SLC39A11: variants seen among roughly 807,000 people sequenced by gnomAD.
SLC39A11 encodes the protein solute carrier family 39 member 11.
A neutral mutation model predicts 36.1 loss-of-function variants in SLC39A11; 33 were observed. The observed-to-expected ratio is 0.91, with a 90% CI of 0.69 to 1.22. The LOEUF (loss-of-function observed/expected upper bound fraction) is 1.22. Among genes scored for constraint, SLC39A11 ranks in the 50% most tolerant of loss-of-function variants. The pLI is 0.00. For missense variants in SLC39A11, 432 were observed against 430.3 expected, an observed-to-expected ratio of 1.00 and a Z score of -0.03; for synonymous variants, 166 against 170.3, an observed-to-expected ratio of 0.97 and a Z score of 0.20.
chr17:72,790,814 T>TA (rs2076677035), intron 6 of SLC39A11, among the ~76,000 whole-genome samples: 1 of 152,152 alleles, frequency 6.6e-6, no homozygotes, highest in Non-Finnish European at 1.5e-5. Context: ...ATTACAGGTG[T>TA]AAGCCACCAC....
At chr17:73,058,921 G>A (rs1165073352) in intron 3 of SLC39A11, among the ~76,000 whole-genome samples, 2 of 151,930 alleles carry the variant, frequency 1.3e-5, no homozygotes, top group South Asian at 4.1e-4. Context: ...GCTTTCAATG[G>A]CTAGTTTTGT....
chr17:72,979,730 C>G (rs1353171890), intron 4 of SLC39A11, among the ~76,000 whole-genome samples: 1 of 152,158 alleles, frequency 6.6e-6, no homozygotes. Context: ...ACACAGGACC[C>G]CAAAACAAAT....
At chr17:72,816,686 C>A (rs2077595283) in intron 6 of SLC39A11, among the ~76,000 whole-genome samples, 1 of 152,166 alleles carries the variant, frequency 6.6e-6, no homozygotes, top group African/African-American at 2.4e-5. Flanking sequence ...CAAACCCAAG[C>A]TCTCCCAGGT....
At chr17:72,853,805 G>A (rs7223999) in intron 5 of SLC39A11, among the ~76,000 whole-genome samples, 3,370 of 152,112 alleles carry the variant, frequency 0.022, 127 homozygotes, top group African/African-American at 0.077. Flanking sequence ...TCTTCTTGCC[G>A]CTCCTGGTAA....
intron 5 of SLC39A11, among the ~76,000 whole-genome samples, chr17:72,891,194 A>G (rs2081723950): frequency 6.6e-6 from 1 of 151,998 alleles, no homozygotes; most frequent in Non-Finnish European, 1.5e-5. Context: ...GGCCAAGGTG[A>G]GTGGATCACC....
intron 6 of SLC39A11, among the ~76,000 whole-genome samples, chr17:72,789,452 C>T (rs73354730): frequency 0.015 from 2,292 of 152,252 alleles, 57 homozygotes; most frequent in African/African-American, 0.051. Flanking sequence ...AAAGGGCACA[C>T]GAAATGAAGA....
At chr17:72,994,426 T>C (rs953543842) in intron 4 of SLC39A11, among the ~76,000 whole-genome samples, 2 of 152,172 alleles carry the variant, frequency 1.3e-5, no homozygotes, top group Admixed American at 6.5e-5. Context: ...GAGGTAATTA[T>C]AAAAGTCAGA....
rs552939471 is a variant in SLC39A11 at position 72,854,430 on chromosome 17, G to A, written c.431-4626C>T. Among the ~76,000 whole-genome samples the A allele has an allele frequency of 1.1e-4, 16 of 152,252 alleles. No individual in the cohort carries two copies. The South Asian group carries it at 3.3e-3, about 32-fold the overall frequency. On this transcript the variant is annotated intron_variant, in intron 5 of 9. Transcript: ENST00000255559. ...GGTGAGCTCTCATTGCCTGTGACCA[G>A]AGTGGGGAAAGACTCAGGAGAAATC...
chr17:72,666,486 C>T (rs562596561), intron 7 of SLC39A11, among the ~76,000 whole-genome samples: 3 of 152,322 alleles, frequency 2.0e-5, no homozygotes, highest in South Asian at 2.1e-4. Flanking sequence ...GAATAACATA[C>T]GCTCTCAATA....
chr17:72,872,681 C>G (rs2080696502), intron 5 of SLC39A11, among the ~76,000 whole-genome samples: 1 of 152,230 alleles, frequency 6.6e-6, no homozygotes, highest in South Asian at 2.1e-4. Flanking sequence ...TGATAACAGT[C>G]CCTTGCCAAA....
chr17:72,651,237 TAA>T (rs2069838002), intron 7 of SLC39A11, among the ~76,000 whole-genome samples: 1 of 152,116 alleles, frequency 6.6e-6, no homozygotes, highest in African/African-American at 2.4e-5. Context: ...CCCATCAGCT[TAA>T]AATCTGCCCC....
At chr17:72,981,594 C>A (rs377667247) in intron 4 of SLC39A11, among the ~76,000 whole-genome samples, 2,042 of 130,566 alleles carry the variant, frequency 0.016, no homozygotes, top group Middle Eastern at 0.021. Context: ...TATTTAAATG[C>A]AAAAAAAAAA....
intron 7 of SLC39A11, among the ~76,000 whole-genome samples, chr17:72,704,069 A>T (rs1351225848): frequency 6.6e-6 from 1 of 152,244 alleles, no homozygotes; most frequent in Non-Finnish European, 1.5e-5. Flanking sequence ...TGGAGGTTGC[A>T]GTGAGCTGCG....
intron 6 of SLC39A11, among the ~76,000 whole-genome samples, chr17:72,744,410 T>A (rs1279975724): frequency 1.3e-5 from 2 of 152,054 alleles, no homozygotes; most frequent in East Asian, 3.9e-4. Context: ...TCTCTCCCAA[T>A]GAGGGACACT....
intron 7 of SLC39A11, among the ~76,000 whole-genome samples, chr17:72,719,440 G>A (rs555988693): frequency 5.9e-5 from 9 of 152,282 alleles, no homozygotes; most frequent in South Asian, 4.2e-4. Context: ...CTTTCTTGGC[G>A]TACCAAGCAG....
intron 5 of SLC39A11, among the ~76,000 whole-genome samples, chr17:72,855,635 G>T (rs777938534): frequency 8.5e-5 from 13 of 152,170 alleles, no homozygotes; most frequent in African/African-American, 3.1e-4. Flanking sequence ...GGTGGCTCAC[G>T]CCTGTAATCA....
chr17:73,086,803 G>C (rs1328190379), intron 2 of SLC39A11, among the ~76,000 whole-genome samples: 1 of 152,134 alleles, frequency 6.6e-6, no homozygotes, highest in Non-Finnish European at 1.5e-5. Context: ...CTGGGTGACA[G>C]GGCAAGACTC....
intron 5 of SLC39A11, among the ~76,000 whole-genome samples, chr17:72,920,146 T>G (rs1415722446): frequency 6.6e-6 from 1 of 152,034 alleles, no homozygotes; most frequent in Non-Finnish European, 1.5e-5. Flanking sequence ...CAGAACCACT[T>G]TAGACATAAG....
chr17:72,726,417 G>A (rs897061786), intron 7 of SLC39A11, among the ~76,000 whole-genome samples: 2 of 152,146 alleles, frequency 1.3e-5, no homozygotes, highest in Non-Finnish European at 2.9e-5. Context: ...AGGCTGAGGA[G>A]GGAGGATTAT....
Sources: gnomAD v4.1 joint callset for allele counts (sites outside exome capture counted in the v4.1 genomes callset) on GRCh38, gnomAD v4.1.1 for gene constraint, MANE v1.5 for transcripts, NCBI Gene and HGNC (gene_info 2026-07-23, HGNC 2026-07-21) for gene names.